STON1: variants seen among roughly 807,000 people sequenced by gnomAD.
STON1 encodes the protein stonin-1.
Under a neutral mutation model 60.9 loss-of-function variants are expected in STON1, and 79 were observed. The ratio of observed to expected loss-of-function variants is 1.30; its 90% confidence interval spans 1.08 to 1.56. The LOEUF (loss-of-function observed/expected upper bound fraction) is 1.56, where lower values mean the gene tolerates loss of function less well. Ranked by LOEUF, STON1 falls within the 40% of genes most tolerant of loss-of-function variation. The pLI, the probability that STON1 is intolerant of heterozygous loss-of-function variation, is 0.00. For synonymous variants in STON1, 363 were observed against 306.9 expected (o/e 1.18, Z -1.91); for missense variants, 1,166 against 858.9 (o/e 1.36, Z -4.47).
At chr2:48,591,622 A>G in intron 2 of STON1, 31 bp from the exon 3 acceptor site, 3 of 1,609,238 alleles carry the variant, frequency 1.9e-6, no homozygotes, top group Non-Finnish European at 2.5e-6. Flanking sequence ...CCATTAAAAT[A>G]CTTTGACTAT....
At chr2:48,579,020 T>G (rs1673717018) in intron 1 of STON1, among the ~76,000 whole-genome samples, 1 of 152,132 alleles carries the variant, frequency 6.6e-6, no homozygotes, top group African/African-American at 2.4e-5. Flanking sequence ...TTTTTTTGTT[T>G]GAGACAAAGT....
chr2:48,573,731 A>G (rs1205114112), intron 1 of STON1, among the ~76,000 whole-genome samples: 1 of 152,254 alleles, frequency 6.6e-6, no homozygotes, highest in Non-Finnish European at 1.5e-5. Context: ...AAATATTCAG[A>G]GCAGCATTTT....
intron 1 of STON1, among the ~76,000 whole-genome samples, chr2:48,566,773 A>G (rs1454988903): frequency 6.6e-6 from 1 of 152,212 alleles, no homozygotes; most frequent in East Asian, 1.9e-4. Flanking sequence ...ATTGAAACAA[A>G]CATTGAATTC....
rs1459534512 is a variant in STON1 at position 48,564,465 on chromosome 2, TTCTTCTTC to T, written c.-47-16120_-47-16113del. On this transcript the variant is annotated intron_variant, in intron 1 of 3. Transcript: ENST00000404752. ...CTTCTTCTTCTTCTTCTTCTTCTTC[TTCTTCTTC>T]TTCTTCTTTCTTCTTCTTCTTCTTC... 6.1e-4 allele frequency among the ~76,000 whole-genome samples: 34 copies of T among 55,644 alleles called. 1 individual carries two copies. The highest frequency in any genetic ancestry group is 2.1e-3 in the African/African-American group (30 of 14,554). The allele number at this position is 55,644 out of a possible 152,430, so 36.5% of individuals were successfully genotyped here.
At chr2:48,573,579 A>G (rs1189148239) in intron 1 of STON1, among the ~76,000 whole-genome samples, 1 of 152,182 alleles carries the variant, frequency 6.6e-6, no homozygotes, top group East Asian at 1.9e-4. Context: ...TGTGGTCCCT[A>G]CACTTCACTG....
chr2:48,550,027 A>T (rs993605202), intron 1 of STON1, among the ~76,000 whole-genome samples: 1 of 151,566 alleles, frequency 6.6e-6, no homozygotes, highest in Non-Finnish European at 1.5e-5. Context: ...ACAGCAGGGC[A>T]GTGGCCCCCT....
At chr2:48,578,567 C>T (rs574391872) in intron 1 of STON1, among the ~76,000 whole-genome samples, 1 of 134,790 alleles carries the variant, frequency 7.4e-6, no homozygotes, top group Non-Finnish European at 1.6e-5. Flanking sequence ...TTCTCCTCCT[C>T]CTCCTCCTCC....
At chr2:48,548,130 G>T (rs1280727822) in intron 1 of STON1, among the ~76,000 whole-genome samples, 2 of 152,236 alleles carry the variant, frequency 1.3e-5, no homozygotes, top group African/African-American at 2.4e-5. Context: ...GGGACCTCAT[G>T]TGCCAGGATG....
chr2:48,591,510 G>C (rs1674510165), intron 2 of STON1, 143 bp from the exon 3 acceptor site: 2 of 1,162,414 alleles, frequency 1.7e-6, no homozygotes, highest in Non-Finnish European at 2.3e-6. Context: ...AGATTTTCAT[G>C]GTATGTTGTT....
At chr2:48,557,344 G>C (rs56019357) in intron 1 of STON1, among the ~76,000 whole-genome samples, 2 of 96,100 alleles carry the variant, frequency 2.1e-5, no homozygotes, top group African/African-American at 3.7e-5. Flanking sequence ...ATGGGGCGGC[G>C]GGGCAGAGGC....
At chr2:48,565,477 G>C (rs1672902185) in intron 1 of STON1, among the ~76,000 whole-genome samples, 1 of 152,128 alleles carries the variant, frequency 6.6e-6, no homozygotes, top group Non-Finnish European at 1.5e-5. Flanking sequence ...TAGGAATTTT[G>C]TGGGGACACA....
chr2:48,552,268 T>C (rs1354787072), intron 1 of STON1, among the ~76,000 whole-genome samples: 1 of 152,220 alleles, frequency 6.6e-6, no homozygotes, highest in Admixed American at 6.5e-5. Context: ...TACTGTATGA[T>C]TCCATTTATA....
intron 2 of STON1, among the ~76,000 whole-genome samples, chr2:48,585,408 C>T (rs1031933901): frequency 3.3e-5 from 5 of 152,142 alleles, no homozygotes; most frequent in Non-Finnish European, 5.9e-5. Context: ...CCACCACACC[C>T]GGCTAACTTC....
intron 1 of STON1, among the ~76,000 whole-genome samples, chr2:48,536,723 G>A (rs1412088276): frequency 2.0e-5 from 3 of 152,096 alleles, no homozygotes; most frequent in African/African-American, 4.8e-5. Flanking sequence ...AAATCCTGTT[G>A]AGATTCTCTT....
At chr2:48,585,705 G>T (rs1674171127) in intron 2 of STON1, among the ~76,000 whole-genome samples, 2 of 152,198 alleles carry the variant, frequency 1.3e-5, no homozygotes, top group African/African-American at 4.8e-5. Flanking sequence ...AACAAAATCA[G>T]AGTATTAGCT....
intron 1 of STON1, among the ~76,000 whole-genome samples, chr2:48,558,147 C>T (rs753570049): frequency 5.9e-5 from 9 of 152,152 alleles, no homozygotes; most frequent in Non-Finnish European, 1.0e-4. Context: ...CGCTTGAACC[C>T]GGGAGGCAGA....
At chr2:48,553,415 C>T (rs1485691745) in intron 1 of STON1, among the ~76,000 whole-genome samples, 3 of 151,848 alleles carry the variant, frequency 2.0e-5, no homozygotes, top group Non-Finnish European at 2.9e-5. Flanking sequence ...CCCTCCCCTC[C>T]GCTCTTCCTC....
chr2:48,575,381 C>T (rs1673422913), intron 1 of STON1, among the ~76,000 whole-genome samples: 1 of 152,054 alleles, frequency 6.6e-6, no homozygotes, highest in Non-Finnish European at 1.5e-5. Flanking sequence ...AGGCTGGGTT[C>T]TGTGGCTCAC....
chr2:48,564,457 TCTTCTTCTTCTTCTTCTTCTTC>T (rs1672764084), intron 1 of STON1, among the ~76,000 whole-genome samples: 6 of 54,266 alleles, frequency 1.1e-4, no homozygotes, highest in African/African-American at 4.2e-4. Flanking sequence ...TTCTTCTTCT[TCTTCTTCTTCTTCTTCTTCTTC>T]TTTCTTCTTC....
Sources: allele counts gnomAD v4.1 joint callset (sites outside exome capture counted in the v4.1 genomes callset), GRCh38; gene constraint gnomAD v4.1.1; transcripts MANE v1.5; gene names NCBI Gene and HGNC (gene_info 2026-07-23, HGNC 2026-07-21).